FRMD4A: variants seen among roughly 807,000 people sequenced by gnomAD.
FRMD4A encodes the protein FERM domain-containing protein 4A.
A neutral mutation model predicts 129.1 loss-of-function variants in FRMD4A; 29 were observed. The observed-to-expected ratio is 0.22, with a 90% CI of 0.17 to 0.31. FRMD4A has a LOEUF of 0.31. Ranked by LOEUF, FRMD4A falls within the 10% of genes least tolerant of loss-of-function variation. The pLI, the probability that FRMD4A is intolerant of heterozygous loss-of-function variation, is 1.00. For missense variants in FRMD4A, 1,272 were observed against 1,375.8 expected, an observed-to-expected ratio of 0.92 and a Z score of 1.19; for synonymous variants, 634 against 571.6, an observed-to-expected ratio of 1.11 and a Z score of -1.56.
At position 13,678,242 on chromosome 10, in the gene FRMD4A, C is replaced by T. The variant is rs574449012; in HGVS notation, c.1118-3198G>A. 4.6e-5 allele frequency among the ~76,000 whole-genome samples: 7 copies of T among 152,258 alleles called. No homozygotes were observed. The East Asian group carries it at 9.6e-4, about 21-fold the overall frequency. On this transcript the variant is annotated intron_variant, in intron 15 of 24. Coordinates refer to ENST00000357447, the MANE Select transcript of FRMD4A (RefSeq NM_018027.5). The stretch of plus-strand genomic sequence containing the variant: ...TGGCTCAAGAGCCCCTCTCTGTATC[C>T]GCTAATGCTGGTTGGCACCACTAAT...
At chr10:13,862,146 GGA>G (rs71758505) in intron 2 of FRMD4A, among the ~76,000 whole-genome samples, 2,221 of 152,184 alleles carry the variant, frequency 0.015, 56 homozygotes, top group African/African-American at 0.05. Flanking sequence ...AGAGAATAGG[GGA>G]GAGTTTTAAG....
chr10:14,078,055 C>T (rs1376385277), intron 2 of FRMD4A, among the ~76,000 whole-genome samples: 1 of 152,090 alleles, frequency 6.6e-6, no homozygotes, highest in African/African-American at 2.4e-5. Context: ...TGATGATGAC[C>T]CTGGCTTCAA....
chr10:13,790,967 G>A (rs2092987950), intron 5 of FRMD4A, among the ~76,000 whole-genome samples: 2 of 152,164 alleles, frequency 1.3e-5, no homozygotes, highest in African/African-American at 4.8e-5. Context: ...GCTCTGTGAG[G>A]TGACAGAAGG....
intron 2 of FRMD4A, chr10:14,007,272 T>C (rs1357584944): frequency 1.3e-5 from 2 of 152,206 alleles, no homozygotes; most frequent in Admixed American, 1.3e-4. Flanking sequence ...CATGGGCTTT[T>C]GGGGTTTCTG....
intron 2 of FRMD4A, among the ~76,000 whole-genome samples, chr10:14,243,954 T>C (rs1844145567): frequency 6.6e-6 from 1 of 152,120 alleles, no homozygotes; most frequent in Non-Finnish European, 1.5e-5. Context: ...TATCTTCTTC[T>C]CAACCTGTGG....
At chr10:14,027,077 C>G (rs1334993808) in intron 2 of FRMD4A, among the ~76,000 whole-genome samples, 1 of 152,242 alleles carries the variant, frequency 6.6e-6, no homozygotes, top group East Asian at 1.9e-4. Context: ...TCCATCCCCT[C>G]AAGCATTTAT....
At chr10:14,279,182 A>ATTTT (rs1223887250) in intron 2 of FRMD4A, among the ~76,000 whole-genome samples, 16 of 99,620 alleles carry the variant, frequency 1.6e-4, no homozygotes, top group East Asian at 2.9e-4. Context: ...AGGAAGCGGG[A>ATTTT]TTTTTTTTTT....
chr10:14,216,177 T>A (rs1449550360), intron 2 of FRMD4A, among the ~76,000 whole-genome samples: 1 of 152,172 alleles, frequency 6.6e-6, no homozygotes, highest in African/African-American at 2.4e-5. Context: ...TGAGATTTAG[T>A]GAATAAATGT....
chr10:14,330,432 C>A (rs1843474762), intron 1 of FRMD4A, among the ~76,000 whole-genome samples, 165 bp downstream of exon 1: 1 of 152,158 alleles, frequency 6.6e-6, no homozygotes, highest in African/African-American at 2.4e-5. Context: ...GCTTAGAACA[C>A]GGAATGTTTA....
chr10:13,737,947 A>G lies in FRMD4A; in HGVS notation c.673-17T>C, dbSNP rs764976290. 2 of 1,464,972 alleles carry G rather than the reference A, an allele frequency of 1.4e-6. No individual in the cohort carries two copies. The highest frequency in any genetic ancestry group is 1.4e-5 in the African/African-American group (1 of 72,226). 90.7% of individuals were successfully genotyped at this position (1,464,972 alleles called of 1,614,324 possible). On this transcript the variant is annotated splice_polypyrimidine_tract_variant and intron_variant, in intron 11 of 24. Coordinates refer to ENST00000357447, the MANE Select transcript of FRMD4A (RefSeq NM_018027.5). ...CTGCTTGTCCTAGGATATCAAAAAA[A>G]GTTTGGGTGAATATGGGACTGGAGG...
At chr10:13,802,191 A>T (rs2093270877) in intron 4 of FRMD4A, among the ~76,000 whole-genome samples, 1 of 152,220 alleles carries the variant, frequency 6.6e-6, no homozygotes, top group Non-Finnish European at 1.5e-5. Context: ...GCATTCATTT[A>T]AGATATTGCT....
chr10:13,740,224 T>G lies in FRMD4A; in HGVS notation c.642A>C (p.Pro214=). The G allele has an allele frequency of 6.2e-7, 1 of 1,610,268 alleles. No individual in the cohort carries two copies. The highest frequency in any genetic ancestry group is 1.7e-5 in the Admixed American group (1 of 60,016). Residue 214 remains proline (P), a synonymous_variant, in exon 11 of 25, where the codon CCA becomes CCC. Coordinates refer to ENST00000357447, the MANE Select transcript of FRMD4A (RefSeq NM_018027.5). ...VNYMSIVESL[P]TYGVHYYAVK... The stretch of plus-strand genomic sequence containing the variant: ...CTGCATAATAGTGAACCCCGTAGGT[T>G]GGGAGAGACTCCACGATGCTCATGT...
At chr10:14,085,512 C>T (rs562527092) in intron 2 of FRMD4A, among the ~76,000 whole-genome samples, 4 of 152,294 alleles carry the variant, frequency 2.6e-5, no homozygotes, top group South Asian at 2.1e-4. Flanking sequence ...GCAGGGAGGA[C>T]GCATTCTCAT....
intron 2 of FRMD4A, among the ~76,000 whole-genome samples, chr10:14,200,628 G>A (rs1362530359): frequency 6.6e-6 from 1 of 152,168 alleles, no homozygotes; most frequent in African/African-American, 2.4e-5. Flanking sequence ...GCAGGGAAAG[G>A]AATCATAAAA....
At chr10:14,035,011 T>C (rs1215168265) in intron 2 of FRMD4A, among the ~76,000 whole-genome samples, 1 of 151,926 alleles carries the variant, frequency 6.6e-6, no homozygotes, top group Non-Finnish European at 1.5e-5. Context: ...TAGATGAGGG[T>C]TTCCAGACTT....
At chr10:14,038,419 G>A (rs1833609240) in intron 2 of FRMD4A, among the ~76,000 whole-genome samples, 2 of 152,162 alleles carry the variant, frequency 1.3e-5, no homozygotes, top group South Asian at 4.1e-4. Context: ...TATATGCCAC[G>A]CATACCTGTT....
intron 2 of FRMD4A, among the ~76,000 whole-genome samples, chr10:14,064,230 A>T (rs987929094): frequency 6.6e-6 from 1 of 152,190 alleles, no homozygotes; most frequent in African/African-American, 2.4e-5. Context: ...AGGTCCTGAA[A>T]ATAGGCTATT....
At chr10:13,681,531 C>T (rs529416632) in intron 15 of FRMD4A, among the ~76,000 whole-genome samples, 4 of 151,786 alleles carry the variant, frequency 2.6e-5, no homozygotes, top group East Asian at 1.9e-4. Flanking sequence ...GATCTCAATA[C>T]GGTTTGTGAA....
chr10:13,872,917 G>A (rs528322531), intron 2 of FRMD4A, among the ~76,000 whole-genome samples: 27 of 152,234 alleles, frequency 1.8e-4, no homozygotes, highest in South Asian at 6.2e-4. Context: ...CCTGGGCACA[G>A]TGACTCACAG....
Sources: gnomAD v4.1 joint callset for allele counts (sites outside exome capture counted in the v4.1 genomes callset) on GRCh38, gnomAD v4.1.1 for gene constraint, MANE v1.5 for transcripts, NCBI Gene and HGNC (gene_info 2026-07-23, HGNC 2026-07-21) for gene names.